The following AMELX variants were observed in gnomAD, a reference collection of about 807,000 sequenced individuals.
AMELX encodes amelogenin X-linked.
Under a neutral mutation model 15.8 loss-of-function variants are expected in AMELX, and 9 were observed. The ratio of observed to expected loss-of-function variants is 0.57; its 90% CI spans 0.34 to 0.99. The LOEUF is 0.99. Among genes scored for constraint, AMELX ranks in the 50% least tolerant of loss-of-function variants. The pLI, the probability that AMELX is intolerant of heterozygous loss-of-function variation, is 0.02. For synonymous variants in AMELX, 61 were observed against 58.8 expected (o/e 1.04, Z -0.17); for missense variants, 107 against 156.2 (o/e 0.68, Z 1.68).
At chrX:11,307,703 T>C in the AMELX span, among the ~76,000 whole-genome samples, 413 of 112,527 alleles carry the variant, frequency 3.7e-3, 1 homozygote, top group Middle Eastern at 0.014. Flanking sequence ...TAAACATTGC[T>C]AAAATGTGCA....
chrX:11,306,879 G>A, the AMELX span, among the ~76,000 whole-genome samples: 1 of 111,844 alleles, frequency 8.9e-6, no homozygotes, highest in Admixed American at 9.5e-5. Context: ...ATGCTCTGTA[G>A]TTGCATGAGG....
At chrX:11,303,869 G>T (rs1347790283), downstream of AMELX, among the ~76,000 whole-genome samples, 1 of 111,308 alleles carries the variant, frequency 9.0e-6, no homozygotes, top group African/African-American at 3.3e-5. Context: ...CAGTACACTC[G>T]TCTATAAAAT....
rs368149347 is a variant in AMELX, at chrX:11,298,565, C to T, written c.162C>T (p.Tyr54=). ...SIRPPYPSYG[Y]EPMGGWLHHQ... is the part of the protein sequence containing the mutation. ...CTCACCAGTACCCTTCCTATGGTTA[C>T]GAGCCCATGGGTGGATGGCTGCACC... The change falls in exon 5 of 6, where the codon TAC becomes TAT. Residue 54 remains tyrosine, a synonymous_variant. Coordinates refer to ENST00000380714, the MANE Select transcript of AMELX (RefSeq NM_001142.2). 16 of 1,209,066 alleles carry T rather than the reference C, an allele frequency of 1.3e-5. No homozygotes were observed. Among genetic ancestry groups the T allele is most frequent in the South Asian group, 8.8e-5 (5 of 56,744 alleles).
chrX:11,306,583 T>C, the AMELX span, among the ~76,000 whole-genome samples: 1 of 112,748 alleles, frequency 8.9e-6, no homozygotes, highest in African/African-American at 3.2e-5. Flanking sequence ...AATTTACAAA[T>C]GAGGGTTTGA....
At chrX:11,299,060 C>G (rs891140193) in intron 5 of AMELX, 87 bp downstream of exon 5, 10 of 1,053,033 alleles carry the variant, frequency 9.5e-6, no homozygotes, top group Non-Finnish European at 1.2e-5. Context: ...TCTCCGACAA[C>G]CAAGGATCTA....
rs1157644098 is a variant in AMELX at position 11,296,771 on chromosome X, T to C, written c.55-8T>C. The C allele has an allele frequency of 8.3e-7, 1 of 1,208,097 alleles. No homozygotes were observed. Among genetic ancestry groups the C allele is most frequent in the South Asian group, 1.8e-5 (1 of 56,873 alleles). On this transcript the variant is annotated splice_polypyrimidine_tract_variant and splice_region_variant and intron_variant, in intron 2 of 5. Transcript: ENST00000380714. ...CTTTCTATTCTCCTCCCCTCCTCCC[T>C]GTAAAAGCTACCACCTCATCCTGGG...
At chrX:11,303,764 G>C (rs1309621630), downstream of AMELX, among the ~76,000 whole-genome samples, 1 of 111,371 alleles carries the variant, frequency 9.0e-6, no homozygotes, top group Admixed American at 9.5e-5. Context: ...ATGGTAGGGG[G>C]TGCAGCCTCC....
chrX:11,297,574 T>G (rs1376162078), intron 3 of AMELX, among the ~76,000 whole-genome samples: 3 of 112,407 alleles, frequency 2.7e-5, no homozygotes, highest in Non-Finnish European at 3.8e-5. Flanking sequence ...TCCTCAAACC[T>G]AAGGCTAACC....
the AMELX span, among the ~76,000 whole-genome samples, chrX:11,307,131 T>C: frequency 9.0e-6 from 1 of 110,885 alleles, no homozygotes; most frequent in African/African-American, 3.3e-5. Flanking sequence ...TCTCACTGAT[T>C]AGTTCAATGA....
Position 11,296,844 on chromosome X carries a change from T to A in AMELX, c.102+18T>A. 8.3e-7 allele frequency: 1 copy of A among 1,206,450 alleles called. No homozygotes were observed. The highest frequency in any genetic ancestry group is 1.1e-6 in the Non-Finnish European group (1 of 890,590). ...GCTATGAGGTAATTTTTCTCTTTAC[T>A]AATTTTGACCATTGTTTGCGTTAAC... On this transcript the variant is annotated intron_variant, in intron 3 of 5. Transcript: ENST00000380714.
chrX:11,301,421 A>C (rs1228795377), downstream of AMELX, among the ~76,000 whole-genome samples: 1 of 111,456 alleles, frequency 9.0e-6, no homozygotes, highest in Non-Finnish European at 1.9e-5. Flanking sequence ...TTTCTTTCTC[A>C]CTCATATTTA....
At chrX:11,297,291 G>A (rs369317733) in intron 3 of AMELX, among the ~76,000 whole-genome samples, 1 of 111,928 alleles carries the variant, frequency 8.9e-6, no homozygotes, top group Admixed American at 9.5e-5. Context: ...GAGAGACTCC[G>A]CAGAACAGCG....
intron 2 of AMELX, 38 bp downstream of exon 2, chrX:11,294,880 T>A: frequency 8.4e-7 from 1 of 1,195,748 alleles, no homozygotes; most frequent in Admixed American, 2.2e-5. Flanking sequence ...AGTGTCCAAT[T>A]TCACAAACTT....
At chrX:11,305,943 G>A in the AMELX span, among the ~76,000 whole-genome samples, 1 of 112,017 alleles carries the variant, frequency 8.9e-6, no homozygotes, top group Non-Finnish European at 1.9e-5. Flanking sequence ...GAGAATATCT[G>A]ACAGACCCAG....
At chrX:11,299,478 T>G (rs901817558) in intron 5 of AMELX, among the ~76,000 whole-genome samples, 1 of 112,002 alleles carries the variant, frequency 8.9e-6, no homozygotes, top group African/African-American at 3.2e-5. Context: ...TCCAGTAGTT[T>G]TCAATCTAAC....
At chrX:11,297,300 C>T (rs186211236) in intron 3 of AMELX, among the ~76,000 whole-genome samples, 127 of 111,961 alleles carry the variant, frequency 1.1e-3, no homozygotes, top group African/African-American at 3.8e-3. Flanking sequence ...CGCAGAACAG[C>T]GGAATGCATG....
intron 3 of AMELX, chrX:11,297,956 C>A: frequency 1.7e-6 from 1 of 596,923 alleles, no homozygotes; most frequent in Non-Finnish European, 2.9e-6. Context: ...TCTTTAACTC[C>A]CCATAACCTT....
intron 4 of AMELX, 85 bp downstream of exon 4, chrX:11,298,362 C>A (rs1423675420): frequency 1.8e-6 from 2 of 1,099,378 alleles, no homozygotes; most frequent in Non-Finnish European, 2.5e-6. Context: ...CATGTCTACT[C>A]CACATGCAGA....
At chrX:11,297,953 C>A (rs1242378063) in intron 3 of AMELX, 3 of 568,263 alleles carry the variant, frequency 5.3e-6, no homozygotes, top group Admixed American at 5.4e-5. Flanking sequence ...ATCTCTTTAA[C>A]TCCCCATAAC....
Sources: gnomAD v4.1 joint callset for allele counts (sites outside exome capture counted in the v4.1 genomes callset) on GRCh38, gnomAD v4.1.1 for gene constraint, MANE v1.5 for transcripts, NCBI Gene and HGNC (gene_info 2026-07-23, HGNC 2026-07-21) for gene names.